RUNX1T1: variants seen among roughly 807,000 people sequenced by gnomAD.
The protein encoded by RUNX1T1 is protein CBFA2T1.
RUNX1T1 carries 4 observed loss-of-function variants against 62.8 expected under a neutral mutation model. The observed-to-expected ratio is 0.06, with a 90% CI of 0.03 to 0.15. The LOEUF (loss-of-function observed/expected upper bound fraction) is 0.15, where lower values mean the gene tolerates loss of function less well. Ranked by LOEUF, RUNX1T1 falls within the 10% of genes least tolerant of loss-of-function variation. The pLI, the probability that RUNX1T1 is intolerant of heterozygous loss-of-function variation, is 1.00. For missense variants in RUNX1T1, 508 were observed against 754.3 expected (o/e 0.67, Z 3.82); for synonymous variants, 291 against 286.0 (o/e 1.02, Z -0.18).
At chr8:92,060,522 A>AATATATATAT (rs61066655) in intron 1 of RUNX1T1, among the ~76,000 whole-genome samples, 82 of 76,260 alleles carry the variant, frequency 1.1e-3, no homozygotes, top group South Asian at 1.4e-3. Flanking sequence ...TCAACTACCA[A>AATATATATAT]ATATATATAT....
chr8:92,103,042 G>A (rs1441000604), upstream of RUNX1T1: 4 of 665,460 alleles, frequency 6.0e-6, no homozygotes, highest in East Asian at 3.5e-5. Flanking sequence ...GTCGCGCCGC[G>A]GAGCGACTAC....
intron 8 of RUNX1T1, among the ~76,000 whole-genome samples, chr8:91,976,869 GA>G (rs1300619721): frequency 6.6e-6 from 1 of 152,010 alleles, no homozygotes; most frequent in Admixed American, 6.5e-5. Flanking sequence ...AGTTCGGTAA[GA>G]AAAAAATCAT....
chr8:91,997,444 G>A (rs925060633), intron 5 of RUNX1T1, among the ~76,000 whole-genome samples: 2 of 151,976 alleles, frequency 1.3e-5, no homozygotes, highest in Non-Finnish European at 2.9e-5. Context: ...TAAGAAAGAA[G>A]AAACTTAATT....
chr8:92,005,067 A>G (rs779969518), intron 5 of RUNX1T1, 49 bp downstream of exon 6: 5 of 1,469,070 alleles, frequency 3.4e-6, no homozygotes, highest in Non-Finnish European at 4.6e-6. Flanking sequence ...CTCATGCCAC[A>G]GGTATGGGAA....
intron 1 of RUNX1T1, among the ~76,000 whole-genome samples, chr8:92,047,112 G>A (rs934557132): frequency 6.6e-6 from 1 of 152,086 alleles, no homozygotes; most frequent in African/African-American, 2.4e-5. Context: ...AACCCTCCAT[G>A]AGCTATCTGC....
At chr8:92,006,807 G>A (rs533607804) in intron 4 of RUNX1T1, 8 of 151,398 alleles carry the variant, frequency 5.3e-5, no homozygotes, top group South Asian at 4.2e-4. Flanking sequence ...TTAGCTATTT[G>A]TCCTAATGCT....
intron 5 of RUNX1T1, among the ~76,000 whole-genome samples, chr8:91,999,528 T>A (rs1819362730): frequency 6.6e-6 from 1 of 152,150 alleles, no homozygotes; most frequent in Non-Finnish European, 1.5e-5. Flanking sequence ...CAGAGGCTGA[T>A]GATACAGAAT....
chr8:91,960,171 A>G (rs1810105222), exon 11 of RUNX1T1: 9 of 1,478,136 alleles, frequency 6.1e-6, no homozygotes, highest in Non-Finnish European at 8.3e-6. Context: ...AACAACTTTG[A>G]GCATCTGAGG....
chr8:91,993,447 T>C (rs1374486672), intron 5 of RUNX1T1, among the ~76,000 whole-genome samples: 1 of 152,090 alleles, frequency 6.6e-6, no homozygotes, highest in African/African-American at 2.4e-5. Context: ...GCCCACTACA[T>C]ACTAAGAAGG....
chr8:92,002,728 C>T (rs1401671531), intron 5 of RUNX1T1, among the ~76,000 whole-genome samples: 1 of 152,058 alleles, frequency 6.6e-6, no homozygotes, highest in Non-Finnish European at 1.5e-5. Context: ...AAAATCTCAC[C>T]GTGGCTGCTC....
Position 91,970,193 on chromosome 8 carries a change from T to A in RUNX1T1, c.1458+465A>T, listed in dbSNP as rs867187479. ...CTGTCTCTAAGATCTCTTAGAAATATTCAGTTGATGCAAACATTGTTTTAG... is the reference window on the plus strand; with the variant it reads ...CTGTCTCTAAGATCTCTTAGAAATAATCAGTTGATGCAAACATTGTTTTAG... On this transcript the variant is annotated intron_variant, in intron 10 of 10. Transcript: ENST00000396218. Among the ~76,000 whole-genome samples, 12 of 152,186 alleles carry A rather than the reference T, an allele frequency of 7.9e-5. No individual in the cohort carries two copies. The South Asian group carries it at 2.5e-3, about 31-fold the overall frequency.
rs1013768324 is a variant in RUNX1T1 at position 92,036,370 on chromosome 8, T to C, written c.8-19007A>G. On this transcript the variant is annotated intron_variant, in intron 1 of 10. Coordinates refer to ENST00000396218, the Ensembl canonical transcript of RUNX1T1. ...TTTCTAAGTTCATTGTGTTATTAAC[T>C]TGTTACTAACAATAACTCAAGTTAG... Among the ~76,000 whole-genome samples the C allele has an allele frequency of 5.3e-5, 8 of 152,352 alleles. No individual in the cohort carries two copies. In the East Asian group the frequency reaches 1.2e-3, roughly 22 times the overall value.
chr8:92,084,102 T>TG (rs1447676417), intron 1 of RUNX1T1, among the ~76,000 whole-genome samples: 4 of 151,096 alleles, frequency 2.6e-5, no homozygotes, highest in Admixed American at 2.0e-4. Context: ...CCTGTCGGGG[T>TG]GGGGGGCTAA....
At chr8:91,988,545 C>T (rs1171663591) in intron 6 of RUNX1T1, among the ~76,000 whole-genome samples, 1 of 151,980 alleles carries the variant, frequency 6.6e-6, no homozygotes, top group Non-Finnish European at 1.5e-5. Flanking sequence ...AATTAGTCAC[C>T]ATACAAAACA....
intron 3 of RUNX1T1, among the ~76,000 whole-genome samples, chr8:92,011,930 T>C (rs559474590): frequency 1.4e-3 from 211 of 152,268 alleles, no homozygotes; most frequent in Non-Finnish European, 2.6e-3. Context: ...CCTCATTTCA[T>C]TCGTTTTCTT....
chr8:92,094,678 T>C (rs545481096), intron 1 of RUNX1T1, among the ~76,000 whole-genome samples: 1 of 152,296 alleles, frequency 6.6e-6, no homozygotes, highest in South Asian at 2.1e-4. Flanking sequence ...CTTTTCTCAG[T>C]TCATCAATCC....
At chr8:92,012,619 C>T (rs1196712536) in intron 3 of RUNX1T1, among the ~76,000 whole-genome samples, 1 of 152,078 alleles carries the variant, frequency 6.6e-6, no homozygotes, top group Non-Finnish European at 1.5e-5. Context: ...TTTCTTAACT[C>T]CACCTAAGCA....
chr8:92,095,240 G>GGAAAGGGA, intron 1 of RUNX1T1: 1 of 1,529,334 alleles, frequency 6.5e-7, no homozygotes, highest in Non-Finnish European at 8.7e-7. Flanking sequence ...TGAATCATTT[G>GGAAAGGGA]GAAAGGGAGA....
chr8:91,971,219 T>C (rs1812759696), intron 9 of RUNX1T1: 1 of 164,382 alleles, frequency 6.1e-6, no homozygotes, highest in Admixed American at 6.4e-5. Context: ...TCCTATATCA[T>C]TATTATAATT....
Sources: allele counts gnomAD v4.1 joint callset (sites outside exome capture counted in the v4.1 genomes callset), GRCh38; gene constraint gnomAD v4.1.1; transcripts MANE v1.5; gene names NCBI Gene and HGNC (gene_info 2026-07-23, HGNC 2026-07-21).